The following ARFIP1 variants were observed in gnomAD, a reference collection of about 807,000 sequenced individuals.
ARFIP1 encodes the protein ARF interacting protein 1.
A neutral mutation model predicts 42.5 loss-of-function variants in ARFIP1; 24 were observed. The ratio of observed to expected loss-of-function variants is 0.57; its 90% CI spans 0.41 to 0.80. The LOEUF is 0.80. Among genes scored for constraint, ARFIP1 ranks in the 30% least tolerant of loss-of-function variants. The pLI, the probability that ARFIP1 is intolerant of heterozygous loss-of-function variation, is 0.00. For synonymous variants in ARFIP1, 141 were observed against 153.7 expected, an observed-to-expected ratio of 0.92 and a Z score of 0.61; for missense variants, 354 against 434.0, an observed-to-expected ratio of 0.82 and a Z score of 1.64.
intron 2 of ARFIP1, among the ~76,000 whole-genome samples, chr4:152,841,492 T>C (rs182153126): frequency 6.6e-6 from 1 of 152,312 alleles, no homozygotes; most frequent in Admixed American, 6.5e-5. Flanking sequence ...AGGACCTGTA[T>C]GATTTATGCT....
intron 2 of ARFIP1, among the ~76,000 whole-genome samples, chr4:152,843,131 C>A (rs968725612): frequency 6.6e-6 from 1 of 152,030 alleles, no homozygotes; most frequent in Non-Finnish European, 1.5e-5. Flanking sequence ...TAGTAGTCTC[C>A]CCATTTTCCT....
Position 152,863,633 on chromosome 4 carries a change from C to A in ARFIP1, c.121C>A (p.Leu41Ile). ...RDLKHSLPSG[L>I]GLSETQITSH... ...TTTGAAGCATTCATTACCATCTGGA[C>A]TTGGTCTCTCAGAAACCCAAATTAC... The change falls in exon 3 of 9, where the codon CTT becomes ATT. Residue 41 changes from leucine to isoleucine, a missense_variant. Physicochemically the swap from Leu to Ile is conservative, Grantham distance 5. Coordinates refer to ENST00000353617, the MANE Select transcript of ARFIP1 (RefSeq NM_001025595.3). 1 of 1,606,652 alleles carries A rather than the reference C, an allele frequency of 6.2e-7. No homozygotes were observed. Among genetic ancestry groups the A allele is most frequent in the Non-Finnish European group, 8.5e-7 (1 of 1,173,684 alleles).
At chr4:152,886,456 C>A (rs1489794802) in intron 7 of ARFIP1, among the ~76,000 whole-genome samples, 1 of 152,016 alleles carries the variant, frequency 6.6e-6, no homozygotes, top group African/African-American at 2.4e-5. Context: ...CCAAATGTGT[C>A]ATTGTATCTT....
intron 1 of ARFIP1, among the ~76,000 whole-genome samples, chr4:152,805,908 T>C (rs1281840413): frequency 6.6e-6 from 1 of 152,224 alleles, no homozygotes; most frequent in Non-Finnish European, 1.5e-5. Context: ...TGAGCTTTTA[T>C]GTAATACAAG....
chr4:152,898,338 A>G (rs1199783872), intron 8 of ARFIP1, among the ~76,000 whole-genome samples: 1 of 152,126 alleles, frequency 6.6e-6, no homozygotes, highest in South Asian at 2.1e-4. Flanking sequence ...CAGCGTTTTC[A>G]TGTTGACCAT....
chr4:152,880,520 C>A (rs1320039297), intron 5 of ARFIP1, among the ~76,000 whole-genome samples: 1 of 151,924 alleles, frequency 6.6e-6, no homozygotes, highest in African/African-American at 2.4e-5. Flanking sequence ...TTTCTTTATT[C>A]CTCATTCATA....
intron 1 of ARFIP1, among the ~76,000 whole-genome samples, chr4:152,815,997 G>C (rs1322907700): frequency 1.3e-5 from 2 of 152,042 alleles, no homozygotes; most frequent in Non-Finnish European, 2.9e-5. Context: ...GCCCGCCTCA[G>C]CCTCCCAAAG....
At chr4:152,836,330 C>G (rs1199363268) in intron 2 of ARFIP1, among the ~76,000 whole-genome samples, 2 of 152,146 alleles carry the variant, frequency 1.3e-5, no homozygotes, top group Non-Finnish European at 2.9e-5. Flanking sequence ...TGGATATGCT[C>G]ATCAGTTTGA....
intron 1 of ARFIP1, among the ~76,000 whole-genome samples, chr4:152,817,922 T>C (rs567714979): frequency 1.3e-5 from 2 of 152,294 alleles, no homozygotes; most frequent in East Asian, 1.9e-4. Context: ...TGTACACTTA[T>C]TAGGATGGCA....
chr4:152,826,811 A>G (rs1430348540), intron 1 of ARFIP1, among the ~76,000 whole-genome samples: 1 of 152,224 alleles, frequency 6.6e-6, no homozygotes, highest in Non-Finnish European at 1.5e-5. Context: ...ATGGATACAT[A>G]TATGTGGTAT....
Position 152,829,708 on chromosome 4 carries a change from TG to T in ARFIP1, c.76del (p.Glu26AsnfsTer8). 5 of 1,608,396 alleles carry T rather than the reference TG, an allele frequency of 3.1e-6. No homozygotes were observed. The highest frequency in any genetic ancestry group is 2.5e-6 in the Non-Finnish European group (3 of 1,176,746). On this transcript the variant is annotated frameshift_variant, in exon 2 of 9. Transcript: ENST00000353617. LOFTEE classifies it high-confidence loss of function. The stretch of plus-strand genomic sequence containing the variant: ...GTAATGGAGAAGTTGATGACTCTCG[TG>T]AACATAGCTTTAATAGGGTAAGAAC... ...TSNGEVDDSR[E>X]HSFNRDLKHS...
chr4:152,905,330 C>G (rs1459961638), intron 8 of ARFIP1, among the ~76,000 whole-genome samples: 2 of 152,098 alleles, frequency 1.3e-5, no homozygotes, highest in Non-Finnish European at 2.9e-5. Flanking sequence ...TTCAGTTGCT[C>G]AGCATCCTGG....
rs1561166345 is a variant in ARFIP1 at position 152,880,982 on chromosome 4, C to T, written c.431C>T (p.Ser144Phe). 6.2e-7 allele frequency: 1 copy of T among 1,613,474 alleles called. No homozygotes were observed. Among genetic ancestry groups the T allele is most frequent in the Non-Finnish European group, 8.5e-7 (1 of 1,179,664 alleles). ...NTYKCTRQII[S>F]EKLGRGSRTV... ...TTTTAGTGTACTCGACAGATTATCT[C>T]TGAGAAGCTAGGCCGTGGCTCAAGA... Residue 144 changes from serine to phenylalanine, a missense_variant, in exon 6 of 9, where the codon TCT becomes TTT. Physicochemically the swap from Ser to Phe is radical, Grantham distance 155. Coordinates refer to ENST00000353617, the MANE Select transcript of ARFIP1 (RefSeq NM_001025595.3).
At chr4:152,840,231 T>A (rs1273713961) in intron 2 of ARFIP1, among the ~76,000 whole-genome samples, 1 of 152,228 alleles carries the variant, frequency 6.6e-6, no homozygotes, top group African/African-American at 2.4e-5. Flanking sequence ...CTGTGGTGGT[T>A]GGATGAAATG....
At chr4:152,889,604 T>TAC (rs2149898329) in intron 8 of ARFIP1, among the ~76,000 whole-genome samples, 1 of 125,952 alleles carries the variant, frequency 7.9e-6, no homozygotes, top group African/African-American at 3.0e-5. Flanking sequence ...AATATATATA[T>TAC]ACTATATATA....
intron 1 of ARFIP1, chr4:152,796,226 G>A (rs1191495909): frequency 1.3e-5 from 11 of 871,116 alleles, no homozygotes; most frequent in South Asian, 4.3e-5. Flanking sequence ...TGTATACAGC[G>A]GGAATGACGG....
At chr4:152,795,036 A>G (rs1006093567) in intron 1 of ARFIP1, among the ~76,000 whole-genome samples, 2 of 152,120 alleles carry the variant, frequency 1.3e-5, no homozygotes, top group Non-Finnish European at 2.9e-5. Context: ...GTATCCAGAG[A>G]AGTGTCACTC....
Position 152,910,355 on chromosome 4 carries a change from C to A in ARFIP1, c.*136C>A. On this transcript the variant is annotated 3_prime_UTR_variant, in exon 9 of 9. Transcript: ENST00000353617. ...TCTTGCACAAACAGCTTTAATTTTT[C>A]CCTTTTTCATACTTTAACAATTGAA... 1 of 1,054,094 alleles carries A rather than the reference C, an allele frequency of 9.5e-7. No individual in the cohort carries two copies. Among genetic ancestry groups the A allele is most frequent in the Non-Finnish European group, 1.3e-6 (1 of 754,736 alleles). 65.3% of individuals were successfully genotyped at this position (1,054,094 alleles called of 1,614,324 possible).
chr4:152,880,890 T>C, intron 5 of ARFIP1, 73 bp from the exon 6 acceptor site: 1 of 1,184,310 alleles, frequency 8.4e-7, no homozygotes, highest in Non-Finnish European at 1.2e-6. Flanking sequence ...AAAAATGGTG[T>C]ATGCCATATG....
Sources: gnomAD v4.1 joint callset for allele counts (sites outside exome capture counted in the v4.1 genomes callset) on GRCh38, gnomAD v4.1.1 for gene constraint, MANE v1.5 for transcripts, NCBI Gene and HGNC (gene_info 2026-07-23, HGNC 2026-07-21) for gene names.